AKAP19: variants seen among roughly 807,000 people sequenced by gnomAD.
AKAP19 encodes small A-kinase anchoring protein.
At chr2:189,914,576 C>T in the AKAP19 span, among the ~76,000 whole-genome samples, 1 of 151,950 alleles carries the variant, frequency 6.6e-6, no homozygotes, top group Non-Finnish European at 1.5e-5. Context: ...GATGAGTATG[C>T]AAGTTATTTC....
chr2:189,916,387 T>C, the AKAP19 span, among the ~76,000 whole-genome samples: 604 of 150,292 alleles, frequency 4.0e-3, no homozygotes, highest in Non-Finnish European at 7.5e-3. Context: ...AATGGCAGGA[T>C]CTCAGCTCAC....
At chr2:190,115,756 C>T in the AKAP19 span, among the ~76,000 whole-genome samples, 1 of 152,170 alleles carries the variant, frequency 6.6e-6, no homozygotes, top group Non-Finnish European at 1.5e-5. Flanking sequence ...TTTGTGATGT[C>T]CTTTCCTGGT....
chr2:190,038,922 C>CT, the AKAP19 span, among the ~76,000 whole-genome samples: 450 of 131,436 alleles, frequency 3.4e-3, 16 homozygotes, highest in African/African-American at 0.014. Flanking sequence ...TCTTCTTCTT[C>CT]TTCTTCTTCT....
the AKAP19 span, among the ~76,000 whole-genome samples, chr2:190,007,632 C>T: frequency 6.6e-6 from 1 of 152,092 alleles, no homozygotes; most frequent in Non-Finnish European, 1.5e-5. Context: ...AAGGAAAGTA[C>T]ACTAAGAGCA....
the AKAP19 span, among the ~76,000 whole-genome samples, chr2:190,192,310 C>G: frequency 3.3e-5 from 5 of 152,060 alleles, no homozygotes; most frequent in Admixed American, 6.6e-5. Flanking sequence ...AGGTTTGTGG[C>G]TAGCCTTTTG....
chr2:189,965,697 G>A, the AKAP19 span, among the ~76,000 whole-genome samples: 4 of 152,106 alleles, frequency 2.6e-5, no homozygotes, highest in African/African-American at 7.2e-5. Context: ...CTACACTGCT[G>A]GTGGGAATGT....
At chr2:189,989,239 T>C in the AKAP19 span, among the ~76,000 whole-genome samples, 4 of 151,454 alleles carry the variant, frequency 2.6e-5, no homozygotes, top group African/African-American at 9.7e-5. Context: ...AAATAGTGTA[T>C]CTAGCTTCTA....
the AKAP19 span, among the ~76,000 whole-genome samples, chr2:190,147,178 A>G: frequency 2.6e-5 from 4 of 152,320 alleles, no homozygotes; most frequent in African/African-American, 9.6e-5. Flanking sequence ...ATTTGTGTAT[A>G]AGGTGAGAGA....
At chr2:190,190,824 CTA>C in the AKAP19 span, among the ~76,000 whole-genome samples, 2 of 152,204 alleles carry the variant, frequency 1.3e-5, no homozygotes, top group Non-Finnish European at 2.9e-5. Flanking sequence ...GTGAACAAGT[CTA>C]TGAATTTTAA....
At chr2:189,888,270 C>T in the AKAP19 span, among the ~76,000 whole-genome samples, 2 of 152,012 alleles carry the variant, frequency 1.3e-5, no homozygotes, top group African/African-American at 4.8e-5. Context: ...TGTAGATAGG[C>T]GGGATTATTT....
chr2:189,983,546 G>A, the AKAP19 span, among the ~76,000 whole-genome samples: 2 of 152,322 alleles, frequency 1.3e-5, no homozygotes, highest in South Asian at 2.1e-4. Context: ...GCAAGGAAAC[G>A]CAGTAAATAA....
At chr2:189,939,286 G>A in the AKAP19 span, among the ~76,000 whole-genome samples, 9 of 152,086 alleles carry the variant, frequency 5.9e-5, no homozygotes, top group East Asian at 1.9e-4. Context: ...CTTTCTACAC[G>A]TTACTGGAAT....
At chr2:189,976,097 A>T in the AKAP19 span, among the ~76,000 whole-genome samples, 1 of 151,874 alleles carries the variant, frequency 6.6e-6, no homozygotes, top group African/African-American at 2.4e-5. Flanking sequence ...TTTTTTCCCC[A>T]TCTTTGTGGT....
the AKAP19 span, among the ~76,000 whole-genome samples, chr2:190,129,431 A>AG: frequency 6.6e-6 from 1 of 152,230 alleles, no homozygotes; most frequent in African/African-American, 2.4e-5. Flanking sequence ...TTTTTAAAAA[A>AG]CAAATAAATA....
the AKAP19 span, among the ~76,000 whole-genome samples, chr2:190,194,475 TATACACACACACACACAC>T: frequency 1.1e-4 from 14 of 126,914 alleles, no homozygotes; most frequent in African/African-American, 4.0e-4. Context: ...GTATCCTGTG[TATACACACACACACACAC>T]ACACACACAC....
the AKAP19 span, among the ~76,000 whole-genome samples, chr2:190,133,235 C>CAA: frequency 2.9e-4 from 17 of 58,110 alleles, no homozygotes; most frequent in African/African-American, 8.1e-4. Flanking sequence ...GAGACTCTGC[C>CAA]AAAAAAAAAA....
At chr2:190,199,656 C>T in the AKAP19 span, 2 of 1,301,702 alleles carry the variant, frequency 1.5e-6, no homozygotes, top group Non-Finnish European at 2.0e-6. Flanking sequence ...CACTATTTTG[C>T]ATTCTGTAAC....
chr2:189,985,263 C>T, the AKAP19 span, among the ~76,000 whole-genome samples: 1 of 152,154 alleles, frequency 6.6e-6, no homozygotes, highest in Non-Finnish European at 1.5e-5. Context: ...AGAGCTTGTC[C>T]ATTCACTTGT....
the AKAP19 span, among the ~76,000 whole-genome samples, chr2:190,037,902 A>C: frequency 6.6e-6 from 1 of 152,190 alleles, no homozygotes; most frequent in Non-Finnish European, 1.5e-5. Flanking sequence ...TTTACAATGA[A>C]AAATTTAGGG....
Sources: gnomAD v4.1 joint callset for allele counts (sites outside exome capture counted in the v4.1 genomes callset) on GRCh38, gnomAD v4.1.1 for gene constraint, MANE v1.5 for transcripts, NCBI Gene and HGNC (gene_info 2026-07-23, HGNC 2026-07-21) for gene names.